The following BICD1 variants were observed in gnomAD, a reference collection of about 807,000 sequenced individuals.
The protein encoded by BICD1 is BICD cargo adaptor 1.
In BICD1, 35 loss-of-function variants were observed where a neutral mutation model predicts 92.5. The ratio of observed to expected loss-of-function variants is 0.38; its 90% CI spans 0.29 to 0.50. BICD1 has a LOEUF of 0.50. Among genes scored for constraint, BICD1 ranks in the 20% least tolerant of loss-of-function variants. The pLI, the probability that BICD1 is intolerant of heterozygous loss-of-function variation, is 0.93. For synonymous variants in BICD1, 429 were observed against 465.1 expected, an observed-to-expected ratio of 0.92 and a Z score of 1.00; for missense variants, 950 against 1,189.8, an observed-to-expected ratio of 0.80 and a Z score of 2.97.
intron 3 of BICD1, among the ~76,000 whole-genome samples, chr12:32,299,080 G>C (rs572771708): frequency 6.6e-6 from 1 of 152,166 alleles, no homozygotes; most frequent in African/African-American, 2.4e-5. Context: ...GAATATTAAA[G>C]CCACATGTTA....
At chr12:32,152,055 C>T (rs1179061539) in intron 1 of BICD1, among the ~76,000 whole-genome samples, 3 of 152,082 alleles carry the variant, frequency 2.0e-5, no homozygotes, top group Non-Finnish European at 2.9e-5. Context: ...CTCCCGGGTT[C>T]ACGTGATTCT....
chr12:32,349,329 C>T (rs1328869348), intron 8 of BICD1, among the ~76,000 whole-genome samples: 1 of 152,190 alleles, frequency 6.6e-6, no homozygotes, highest in Non-Finnish European at 1.5e-5. Context: ...TATATCCAAA[C>T]TGTACCTTGC....
chr12:32,237,365 G>A (rs979450315), intron 2 of BICD1, among the ~76,000 whole-genome samples: 6 of 152,224 alleles, frequency 3.9e-5, no homozygotes, highest in South Asian at 2.1e-4. Flanking sequence ...GCTGCAGTAA[G>A]TTATCCAGAA....
At chr12:32,182,675 TTG>T (rs1404195255) in intron 1 of BICD1, among the ~76,000 whole-genome samples, 1 of 151,820 alleles carries the variant, frequency 6.6e-6, no homozygotes, top group East Asian at 1.9e-4. Flanking sequence ...CTGTCTGGCA[TTG>T]TGCATAATAA....
intron 2 of BICD1, among the ~76,000 whole-genome samples, chr12:32,224,606 G>A (rs969497496): frequency 6.6e-6 from 1 of 152,208 alleles, no homozygotes; most frequent in East Asian, 1.9e-4. Flanking sequence ...ATTTGATTAT[G>A]CTTTTGGGGA....
chr12:32,121,870 A>G (rs1160015809), intron 1 of BICD1, among the ~76,000 whole-genome samples: 1 of 149,760 alleles, frequency 6.7e-6, no homozygotes, highest in Non-Finnish European at 1.5e-5. Context: ...CTGGAGTGCA[A>G]TGGTGCAATC....
intron 1 of BICD1, among the ~76,000 whole-genome samples, chr12:32,131,326 T>C (rs938892509): frequency 1.3e-5 from 2 of 152,208 alleles, no homozygotes; most frequent in African/African-American, 4.8e-5. Context: ...CTTGAAAAGA[T>C]TTGTGAGCCT....
intron 1 of BICD1, among the ~76,000 whole-genome samples, chr12:32,137,805 T>TC (rs1322434261): frequency 8.3e-6 from 1 of 120,082 alleles, no homozygotes; most frequent in African/African-American, 2.6e-5. Context: ...TATAAAAACT[T>TC]TTTTTTTTTT....
At chr12:32,130,722 T>C (rs1194353084) in intron 1 of BICD1, among the ~76,000 whole-genome samples, 1 of 152,190 alleles carries the variant, frequency 6.6e-6, no homozygotes, top group Non-Finnish European at 1.5e-5. Flanking sequence ...ATTTAGACCC[T>C]GTTTGAGCAT....
At chr12:32,202,441 A>G (rs766663315) in intron 1 of BICD1, among the ~76,000 whole-genome samples, 3 of 152,098 alleles carry the variant, frequency 2.0e-5, no homozygotes, top group Non-Finnish European at 4.4e-5. Flanking sequence ...AATTATATAT[A>G]TTACTTAAAG....
chr12:32,198,774 T>G (rs939298130), intron 1 of BICD1, among the ~76,000 whole-genome samples: 1 of 152,130 alleles, frequency 6.6e-6, no homozygotes, highest in African/African-American at 2.4e-5. Context: ...GCCAGCTCAC[T>G]ATCAGTCATT....
chr12:32,352,141 G>T (rs1286806931), intron 8 of BICD1, among the ~76,000 whole-genome samples: 2 of 152,044 alleles, frequency 1.3e-5, no homozygotes, highest in Non-Finnish European at 2.9e-5. Flanking sequence ...GGAGGTGGAG[G>T]TTGCAGTGAG....
intron 1 of BICD1, among the ~76,000 whole-genome samples, chr12:32,210,334 A>C (rs1273038912): frequency 6.6e-6 from 1 of 152,202 alleles, no homozygotes; most frequent in Admixed American, 6.5e-5. Context: ...TTTGAGATGA[A>C]AGAACGAAAA....
Position 32,172,390 on chromosome 12 carries a change from T to A in BICD1, c.214-43857T>A, listed in dbSNP as rs575515516. On this transcript the variant is annotated intron_variant, in intron 1 of 9. Coordinates refer to ENST00000652176, the MANE Select transcript of BICD1 (RefSeq NM_001714.4). ...CAAGCAAGCTGCTTTGCTCCCTTAC[T>A]CTAAACTCACACTTGAATCTCTGAT... 2.6e-5 allele frequency among the ~76,000 whole-genome samples: 4 copies of A among 152,336 alleles called. No homozygotes were observed. The South Asian group carries it at 8.3e-4, about 32-fold the overall frequency.
intron 1 of BICD1, among the ~76,000 whole-genome samples, chr12:32,158,074 G>C (rs1261665902): frequency 6.6e-6 from 1 of 151,274 alleles, no homozygotes; most frequent in Non-Finnish European, 1.5e-5. Flanking sequence ...GCTTACACAG[G>C]ACGATAATTT....
At chr12:32,222,927 C>G (rs1342450889) in intron 2 of BICD1, among the ~76,000 whole-genome samples, 1 of 152,158 alleles carries the variant, frequency 6.6e-6, no homozygotes, top group African/African-American at 2.4e-5. Flanking sequence ...TCTTCAGCCT[C>G]CAGAACTGTG....
At chr12:32,242,195 T>C (rs1298092539) in intron 2 of BICD1, among the ~76,000 whole-genome samples, 1 of 110,952 alleles carries the variant, frequency 9.0e-6, no homozygotes, top group African/African-American at 3.7e-5. Context: ...CAGCCTAGGA[T>C]ACAGAGTGAG....
intron 1 of BICD1, among the ~76,000 whole-genome samples, chr12:32,181,289 A>G (rs1206660662): frequency 6.6e-6 from 1 of 151,650 alleles, no homozygotes; most frequent in African/African-American, 2.4e-5. Context: ...GAGTGGTGGC[A>G]TGCGCCTGTA....
At chr12:32,344,688 T>A (rs1018522705) in intron 8 of BICD1, among the ~76,000 whole-genome samples, 9 of 152,202 alleles carry the variant, frequency 5.9e-5, no homozygotes, top group Non-Finnish European at 1.0e-4. Context: ...GCTTTCCATG[T>A]TCTGTATGTG....
Sources: allele counts gnomAD v4.1 joint callset (sites outside exome capture counted in the v4.1 genomes callset), GRCh38; gene constraint gnomAD v4.1.1; transcripts MANE v1.5; gene names NCBI Gene and HGNC (gene_info 2026-07-23, HGNC 2026-07-21).